The following UROC1 variants were observed in gnomAD, a reference collection of about 807,000 sequenced individuals.
The protein encoded by UROC1 is urocanate hydratase 1, also known as urocanate hydratase.
A neutral mutation model predicts 89.5 loss-of-function variants in UROC1; 79 were observed. That is an observed-to-expected ratio of 0.88 (90% CI 0.74 to 1.06). UROC1 has a LOEUF of 1.06. Among genes scored for constraint, UROC1 ranks in the 50% least tolerant of loss-of-function variants. The probability of loss-of-function intolerance (pLI) is 0.00; values close to 1 mark genes in which losing one functional copy is unlikely to be tolerated. For missense variants in UROC1, 885 were observed against 907.8 expected (o/e 0.97, Z 0.32); for synonymous variants, 361 against 354.8 (o/e 1.02, Z -0.20).
chr3:126,509,594 G>C lies in UROC1; in HGVS notation c.342C>G (p.Ala114=), dbSNP rs367887276. 1.9e-6 allele frequency: 3 copies of C among 1,551,718 alleles called. No individual in the cohort carries two copies. The highest frequency in any genetic ancestry group is 2.0e-5 in the Admixed American group (1 of 51,022). ...TTTCCCTGGCTATTACCTGGGCCAC[G>C]GCAGGATCCAGGTTGTTCATAATCA... ...MHMIMNNLDP[A]VAQFPQELVT... Residue 114 remains alanine, a synonymous_variant, in exon 3 of 20, where the codon GCC becomes GCG. Transcript: ENST00000290868.
intron 8 of UROC1, among the ~76,000 whole-genome samples, chr3:126,504,307 G>T (rs897012052): frequency 3.3e-5 from 5 of 152,168 alleles, no homozygotes; most frequent in African/African-American, 1.2e-4. Context: ...ACACGGTTCA[G>T]CCCCAGGAGA....
rs1215281266 is a variant in UROC1 at position 126,482,438 on chromosome 3, G to C, written c.1938C>G (p.Ile646Met). ...TGCTGTTCTCCTGCATGGTCTGGCA[G>C]ATGATCTCATAGGCCTTCTGGTTCC... is the stretch of plus-strand genomic sequence containing the variant. The part of the protein sequence containing the change: ...WSGNQKAYEI[I>M]CQTMQENSTL... The change falls in exon 20 of 20, where the codon ATC (isoleucine) becomes ATG (methionine). Residue 646 changes from isoleucine (I) to methionine (M), a missense_variant. Coordinates refer to ENST00000290868, the MANE Select transcript of UROC1 (RefSeq NM_144639.3). 6.2e-7 allele frequency: 1 copy of C among 1,613,944 alleles called. No homozygotes were observed. Among genetic ancestry groups the C allele is most frequent in the Non-Finnish European group, 8.5e-7 (1 of 1,180,016 alleles).
intron 9 of UROC1, among the ~76,000 whole-genome samples, chr3:126,502,253 A>ATG (rs939869636): frequency 6.7e-5 from 10 of 148,356 alleles, no homozygotes; most frequent in Middle Eastern, 3.6e-3. Flanking sequence ...CTGTGTGTTT[A>ATG]TGTGTGTGTG....
chr3:126,499,411 T>C lies in UROC1; in HGVS notation c.1244-2A>G, dbSNP rs1935861813. The C allele has an allele frequency of 6.2e-7, 1 of 1,611,478 alleles. No individual in the cohort carries two copies. The highest frequency in any genetic ancestry group is 8.5e-7 in the Non-Finnish European group (1 of 1,179,052). ...CACCTTTCTTCTCCACATCCGCTCC[T>C]GTGGGCAGAGCCCGGACAGTCACCA... On this transcript the variant is annotated splice_acceptor_variant, in intron 12 of 19. Coordinates refer to ENST00000290868, the MANE Select transcript of UROC1 (RefSeq NM_144639.3). LOFTEE classifies it high-confidence loss of function.
intron 1 of UROC1, among the ~76,000 whole-genome samples, chr3:126,511,797 T>C (rs1166874947): frequency 6.6e-6 from 1 of 152,258 alleles, no homozygotes; most frequent in African/African-American, 2.4e-5. Flanking sequence ...CCCAAAGCTC[T>C]GTCTGCCACA....
chr3:126,500,965 C>G, intron 10 of UROC1, 91 bp from the exon 11 acceptor site: 1 of 1,542,768 alleles, frequency 6.5e-7, no homozygotes, highest in South Asian at 1.1e-5. Flanking sequence ...GCACATTTTC[C>G]CACCCACAAA....
chr3:126,510,806 G>C lies in UROC1; in HGVS notation c.127-12C>G, dbSNP rs758142397. The C allele has an allele frequency of 6.2e-7, 1 of 1,611,562 alleles. No homozygotes were observed. Among genetic ancestry groups the C allele is most frequent in the Non-Finnish European group, 8.5e-7 (1 of 1,179,766 alleles). ...TTCCTCAGCGCCAGCTGGGGTAGGAGAGCGGAGAGGCAGTCGGGGCTGGGA... is the reference window on the plus strand; with the variant it reads ...TTCCTCAGCGCCAGCTGGGGTAGGACAGCGGAGAGGCAGTCGGGGCTGGGA... On this transcript the variant is annotated splice_polypyrimidine_tract_variant and intron_variant, in intron 1 of 19. Transcript: ENST00000290868.
chr3:126,505,240 A>G (rs1054061825), intron 8 of UROC1, among the ~76,000 whole-genome samples: 1 of 152,112 alleles, frequency 6.6e-6, no homozygotes, highest in Non-Finnish European at 1.5e-5. Flanking sequence ...AGAAACTCAA[A>G]TAACTAAGAT....
At chr3:126,497,367 A>T (rs1406730758) in intron 14 of UROC1, among the ~76,000 whole-genome samples, 1 of 152,244 alleles carries the variant, frequency 6.6e-6, no homozygotes, top group Non-Finnish European at 1.5e-5. Flanking sequence ...GACCCACTCA[A>T]CGAGAACAAA....
chr3:126,494,178 A>G (rs773576036), intron 15 of UROC1, among the ~76,000 whole-genome samples: 1 of 152,226 alleles, frequency 6.6e-6, no homozygotes, highest in Non-Finnish European at 1.5e-5. Flanking sequence ...AAAATTTTAA[A>G]AGGCAACCTT....
At chr3:126,503,009 TTGTG>T (rs1204618593) in intron 9 of UROC1, among the ~76,000 whole-genome samples, 2 of 151,894 alleles carry the variant, frequency 1.3e-5, no homozygotes, top group South Asian at 2.1e-4. Flanking sequence ...TGCATGCATG[TTGTG>T]TGTGTTTATG....
intron 16 of UROC1, among the ~76,000 whole-genome samples, chr3:126,491,417 C>G (rs374716595): frequency 7.2e-5 from 11 of 152,362 alleles, no homozygotes; most frequent in African/African-American, 1.9e-4. Flanking sequence ...CTTACTGACC[C>G]CTTTCTGCTG....
intron 19 of UROC1, among the ~76,000 whole-genome samples, 155 bp downstream of exon 19, chr3:126,483,214 C>A (rs953870641): frequency 2.0e-5 from 3 of 152,222 alleles, no homozygotes; most frequent in African/African-American, 7.2e-5. Context: ...TCCATTTGAG[C>A]TGATTCCCCC....
rs1399728511 is a variant in UROC1 at position 126,500,878 on chromosome 3, G to A, written c.966-4C>T. On this transcript the variant is annotated splice_region_variant and splice_polypyrimidine_tract_variant and intron_variant, in intron 10 of 19. Coordinates refer to ENST00000290868, the MANE Select transcript of UROC1 (RefSeq NM_144639.3). ...CAATTCGTGGACCAGGCGCTCCCTG[G>A]GGAAGCCATGCGGTGGTCAGTGCAA... 2 of 1,613,384 alleles carry A rather than the reference G, an allele frequency of 1.2e-6. No individual in the cohort carries two copies. Among genetic ancestry groups the A allele is most frequent in the East Asian group, 4.5e-5 (2 of 44,890 alleles).
chr3:126,502,486 TTG>T (rs1170305007), intron 9 of UROC1, among the ~76,000 whole-genome samples: 1 of 151,910 alleles, frequency 6.6e-6, no homozygotes, highest in Non-Finnish European at 1.5e-5. Context: ...TGCATACGTA[TTG>T]TGTTTATGCA....
At chr3:126,488,313 C>T (rs573126950) in intron 17 of UROC1, 34 bp from the exon 18 acceptor site, 1 of 1,610,304 alleles carries the variant, frequency 6.2e-7, no homozygotes, top group South Asian at 1.1e-5. Context: ...CTCATCACCC[C>T]CTGCACTGGG....
At position 126,483,486 on chromosome 3, in the gene UROC1, G is replaced by A. The variant is rs780147718; in HGVS notation, c.1791-18C>T. 7 of 1,610,808 alleles carry A rather than the reference G, an allele frequency of 4.3e-6. No homozygotes were observed. Among genetic ancestry groups the A allele is most frequent in the Non-Finnish European group, 4.2e-6 (5 of 1,177,564 alleles). On this transcript the variant is annotated intron_variant, in intron 18 of 19. Coordinates refer to ENST00000290868, the MANE Select transcript of UROC1 (RefSeq NM_144639.3). ...CCTCACCCCTGCAGGAGGCAGAGGAGTTTCCAGTTCATTCCTGGGGCCCAA... is the reference window on the plus strand; with the variant it reads ...CCTCACCCCTGCAGGAGGCAGAGGAATTTCCAGTTCATTCCTGGGGCCCAA...
intron 17 of UROC1, among the ~76,000 whole-genome samples, chr3:126,488,900 A>G (rs1935579776): frequency 6.6e-6 from 1 of 152,238 alleles, no homozygotes. Context: ...TGGGTGCCAC[A>G]GAGAAGATCA....
intron 19 of UROC1, 36 bp from the exon 20 acceptor site, chr3:126,482,521 A>G: frequency 5.0e-6 from 8 of 1,613,520 alleles, no homozygotes; most frequent in Non-Finnish European, 5.9e-6. Flanking sequence ...CCATGTCAAC[A>G]TAACCGGGCT....
Sources: allele counts gnomAD v4.1 joint callset (sites outside exome capture counted in the v4.1 genomes callset), GRCh38; gene constraint gnomAD v4.1.1; transcripts MANE v1.5; gene names NCBI Gene and HGNC (gene_info 2026-07-23, HGNC 2026-07-21).